LRRC4C: variants seen among roughly 807,000 people sequenced by gnomAD.
LRRC4C encodes the protein leucine rich repeat containing 4C.
Under a neutral mutation model 33.6 loss-of-function variants are expected in LRRC4C, and 5 were observed. The ratio of observed to expected loss-of-function variants is 0.15; its 90% CI spans 0.08 to 0.31. LRRC4C has a LOEUF of 0.31. LRRC4C is among the 10% of genes least tolerant of loss of function. The pLI, the probability that LRRC4C is intolerant of heterozygous loss-of-function variation, is 1.00. For missense variants in LRRC4C, 560 were observed against 796.7 expected, an observed-to-expected ratio of 0.70 and a Z score of 3.58; for synonymous variants, 329 against 302.0, an observed-to-expected ratio of 1.09 and a Z score of -0.93.
At chr11:41,181,362 T>C in intron 1 of LRRC4C, among the ~76,000 whole-genome samples, 1 of 152,118 alleles carries the variant, frequency 6.6e-6, no homozygotes, top group South Asian at 2.1e-4. Flanking sequence ...AAAACAGATT[T>C]TCCAGAGGGG....
intron 1 of LRRC4C, among the ~76,000 whole-genome samples, chr11:41,218,279 C>A (rs546529085): frequency 6.6e-6 from 1 of 152,120 alleles, no homozygotes; most frequent in African/African-American, 2.4e-5. Flanking sequence ...GTTCAACTTA[C>A]TTTACTTAAG....
intron 1 of LRRC4C, among the ~76,000 whole-genome samples, chr11:41,073,041 T>G (rs1351622259): frequency 6.6e-6 from 1 of 152,214 alleles, no homozygotes; most frequent in Admixed American, 6.5e-5. Flanking sequence ...GTGCACAATC[T>G]GACAAAGATA....
At chr11:40,328,325 A>C (rs1257600069) in intron 3 of LRRC4C, among the ~76,000 whole-genome samples, 1 of 152,192 alleles carries the variant, frequency 6.6e-6, no homozygotes, top group Non-Finnish European at 1.5e-5. Context: ...TTTTATTTCA[A>C]AATAAAGAGA....
chr11:40,166,089 C>T (rs569352418), intron 5 of LRRC4C, among the ~76,000 whole-genome samples: 58 of 152,282 alleles, frequency 3.8e-4, no homozygotes, highest in African/African-American at 9.9e-4. Context: ...CAATTGCTGT[C>T]GTAGGTATCT....
chr11:41,207,540 TAAG>T (rs1029857355), intron 1 of LRRC4C, among the ~76,000 whole-genome samples: 3 of 152,100 alleles, frequency 2.0e-5, no homozygotes, highest in African/African-American at 4.8e-5. Flanking sequence ...AGTGTCTTTA[TAAG>T]AAGAGGAATA....
At chr11:41,002,854 CT>C (rs2073127005) in intron 1 of LRRC4C, among the ~76,000 whole-genome samples, 1 of 151,996 alleles carries the variant, frequency 6.6e-6, no homozygotes, top group African/African-American at 2.4e-5. Context: ...AAGCATACGC[CT>C]TTGATGGTTA....
intron 3 of LRRC4C, among the ~76,000 whole-genome samples, chr11:40,460,251 C>T (rs998047748): frequency 1.3e-5 from 2 of 152,084 alleles, no homozygotes; most frequent in Non-Finnish European, 2.9e-5. Context: ...GTTTGCAATA[C>T]ATGGTTTCTG....
intron 3 of LRRC4C, among the ~76,000 whole-genome samples, chr11:40,411,347 C>G (rs765896483): frequency 2.0e-5 from 3 of 151,908 alleles, no homozygotes; most frequent in Non-Finnish European, 2.9e-5. Context: ...AGTAATGTTT[C>G]AATGTAGTAA....
At chr11:41,068,199 C>T (rs939961866) in intron 1 of LRRC4C, among the ~76,000 whole-genome samples, 1 of 152,138 alleles carries the variant, frequency 6.6e-6, no homozygotes, top group Non-Finnish European at 1.5e-5. Flanking sequence ...TCAAGACCAG[C>T]CTGGCCAACG....
chr11:40,694,553 C>A (rs192444465), intron 2 of LRRC4C, among the ~76,000 whole-genome samples: 17 of 152,220 alleles, frequency 1.1e-4, no homozygotes, highest in Admixed American at 1.1e-3. Context: ...TAATGTATTT[C>A]CCTGGAAGTG....
chr11:40,736,125 T>C (rs995761137), intron 2 of LRRC4C, among the ~76,000 whole-genome samples: 1 of 151,984 alleles, frequency 6.6e-6, no homozygotes, highest in African/African-American at 2.4e-5. Flanking sequence ...CAAGCAGTCA[T>C]TTACATTAGG....
intron 3 of LRRC4C, among the ~76,000 whole-genome samples, chr11:40,571,598 G>A (rs1221062205): frequency 6.6e-6 from 1 of 152,106 alleles, no homozygotes; most frequent in Admixed American, 6.6e-5. Context: ...AGCTTAATGA[G>A]CTCTTTATGT....
intron 6 of LRRC4C, among the ~76,000 whole-genome samples, chr11:40,133,161 C>T (rs1480786768): frequency 6.6e-6 from 1 of 151,998 alleles, no homozygotes; most frequent in African/African-American, 2.4e-5. Flanking sequence ...AGTCATTAAC[C>T]CCCAACTTCT....
At chr11:40,244,251 A>C (rs1866154836) in intron 4 of LRRC4C, among the ~76,000 whole-genome samples, 1 of 152,038 alleles carries the variant, frequency 6.6e-6, no homozygotes, top group African/African-American at 2.4e-5. Flanking sequence ...TGCTGAACTG[A>C]AGAAGAAGCC....
intron 1 of LRRC4C, among the ~76,000 whole-genome samples, chr11:41,342,808 C>T (rs576700419): frequency 2.0e-5 from 3 of 152,258 alleles, no homozygotes; most frequent in East Asian, 1.9e-4. Flanking sequence ...TTTCCAAGGG[C>T]TGCTGTAAAA....
rs1328782134 is a variant in LRRC4C, at chr11:41,340,960, G to A, written c.-496+118471C>T. Among the ~76,000 whole-genome samples the A allele has an allele frequency of 2.6e-5, 4 of 152,306 alleles. No individual in the cohort carries two copies. The East Asian group carries it at 7.7e-4, about 29-fold the overall frequency. ...ATCTAGTAACTTTGAGGCTGTGATT[G>A]CGTCTGCCTCTCAATTAACCTCCCT... On this transcript the variant is annotated intron_variant, in intron 1 of 6. Coordinates refer to ENST00000528697, the MANE Select transcript of LRRC4C (RefSeq NM_001258419.2).
At chr11:41,066,925 A>G (rs532004616) in intron 1 of LRRC4C, among the ~76,000 whole-genome samples, 80 of 152,330 alleles carry the variant, frequency 5.3e-4, no homozygotes, top group African/African-American at 1.9e-3. Context: ...CACTAAAAAT[A>G]TGGAAAGAAA....
intron 6 of LRRC4C, among the ~76,000 whole-genome samples, chr11:40,133,631 G>T (rs1159275932): frequency 1.3e-5 from 2 of 152,090 alleles, no homozygotes; most frequent in Non-Finnish European, 2.9e-5. Flanking sequence ...TTGTAACAGG[G>T]TACTGAGACA....
chr11:40,395,036 A>G (rs1288439951), intron 3 of LRRC4C, among the ~76,000 whole-genome samples: 1 of 152,154 alleles, frequency 6.6e-6, no homozygotes, highest in Non-Finnish European at 1.5e-5. Flanking sequence ...GATCAAGTCT[A>G]TAATTATATA....
Sources: allele counts gnomAD v4.1 joint callset (sites outside exome capture counted in the v4.1 genomes callset), GRCh38; gene constraint gnomAD v4.1.1; transcripts MANE v1.5; gene names NCBI Gene and HGNC (gene_info 2026-07-23, HGNC 2026-07-21).